Variants in UPRT observed in about 807,000 individuals in gnomAD.
The protein encoded by UPRT is RP11-311P8.3.
UPRT carries 5 observed loss-of-function variants against 22.6 expected under a neutral mutation model. The ratio of observed to expected loss-of-function variants is 0.22; its 90% CI spans 0.12 to 0.47. The LOEUF (loss-of-function observed/expected upper bound fraction) is 0.47. UPRT is among the 20% of genes least tolerant of loss of function. The pLI, the probability that UPRT is intolerant of heterozygous loss-of-function variation, is 0.99. For synonymous variants in UPRT, 77 were observed against 87.7 expected, an observed-to-expected ratio of 0.88 and a Z score of 0.68; for missense variants, 181 against 239.9, an observed-to-expected ratio of 0.75 and a Z score of 1.62.
chrX:75,218,010 T>C (rs2082398365), intron 4 of UPRT, among the ~76,000 whole-genome samples: 1 of 111,477 alleles, frequency 9.0e-6, no homozygotes, highest in Non-Finnish European at 1.9e-5. Context: ...CCAAAAGCAA[T>C]GGCAACAAAA....
intron 4 of UPRT, among the ~76,000 whole-genome samples, chrX:75,243,964 C>A (rs1440173047): frequency 1.8e-5 from 2 of 111,449 alleles, no homozygotes; most frequent in African/African-American, 6.5e-5. Flanking sequence ...AATGAGAGAC[C>A]CTTTAATTTG....
chrX:75,190,407 A>C (rs755643195), intron 4 of UPRT, among the ~76,000 whole-genome samples: 1 of 111,684 alleles, frequency 9.0e-6, no homozygotes, highest in Admixed American at 9.5e-5. Flanking sequence ...GGCTGCCCTT[A>C]ACATTTTTTC....
chrX:75,268,807 G>A (rs992900961), intron 4 of UPRT, among the ~76,000 whole-genome samples: 2 of 111,837 alleles, frequency 1.8e-5, no homozygotes, highest in Non-Finnish European at 3.8e-5. Flanking sequence ...ATATCATACT[G>A]AATGGGCAAA....
At chrX:75,293,627 A>T (rs1205639136) in intron 2 of UPRT, 113 bp downstream of exon 2, 6 of 747,399 alleles carry the variant, frequency 8.0e-6, no homozygotes, top group Non-Finnish European at 1.1e-5. Flanking sequence ...GATTGTACTA[A>T]GTAACCATCA....
At chrX:75,280,106 T>A (rs1373684941) in intron 1 of UPRT, among the ~76,000 whole-genome samples, 1 of 110,372 alleles carries the variant, frequency 9.1e-6, no homozygotes, top group Non-Finnish European at 1.9e-5. Flanking sequence ...CTTAGCCCAC[T>A]TTTTGATGGG....
intron 4 of UPRT, among the ~76,000 whole-genome samples, chrX:75,244,927 G>A (rs1361588772): frequency 9.0e-6 from 1 of 111,107 alleles, no homozygotes; most frequent in African/African-American, 3.3e-5. Flanking sequence ...TGACAAATGG[G>A]ATCTAATTAA....
intron 4 of UPRT, among the ~76,000 whole-genome samples, chrX:75,227,937 AT>A (rs954432021): frequency 8.0e-5 from 9 of 111,937 alleles, no homozygotes; most frequent in African/African-American, 2.9e-4. Context: ...TTTTCTTTTT[AT>A]TTTTTTAAAT....
chrX:75,265,003 C>T (rs758836977), intron 4 of UPRT, among the ~76,000 whole-genome samples: 43 of 111,611 alleles, frequency 3.9e-4, no homozygotes, highest in Admixed American at 2.9e-4. Flanking sequence ...TGTTGAATAT[C>T]GGCCCCCACT....
At chrX:75,159,130 C>T (rs1317159381) in intron 1 of UPRT, among the ~76,000 whole-genome samples, 1 of 111,959 alleles carries the variant, frequency 8.9e-6, no homozygotes, top group Non-Finnish European at 1.9e-5. Context: ...TTCTGCTCTT[C>T]TTACCTTCTG....
At chrX:75,227,127 T>C (rs2082425816) in intron 4 of UPRT, among the ~76,000 whole-genome samples, 1 of 111,444 alleles carries the variant, frequency 9.0e-6, no homozygotes, top group Admixed American at 9.6e-5. Context: ...GTATTTGATA[T>C]GTAAATCACT....
chrX:75,254,890 C>T (rs1014997145), intron 4 of UPRT, among the ~76,000 whole-genome samples: 2 of 108,734 alleles, frequency 1.8e-5, no homozygotes, highest in African/African-American at 6.7e-5. Flanking sequence ...ATTCTCCTGC[C>T]TCAGCCTCCC....
At chrX:75,263,264 C>G (rs1008711025) in intron 4 of UPRT, among the ~76,000 whole-genome samples, 1 of 111,655 alleles carries the variant, frequency 9.0e-6, no homozygotes, top group Non-Finnish European at 1.9e-5. Flanking sequence ...CCCTCTTGTT[C>G]TATTGATTGG....
At chrX:75,252,962 T>A (rs2082536603) in intron 4 of UPRT, among the ~76,000 whole-genome samples, 1 of 110,999 alleles carries the variant, frequency 9.0e-6, no homozygotes, top group South Asian at 3.8e-4. Context: ...AAACACCACA[T>A]GTTGTCACTC....
chrX:75,215,356 G>A (rs376901978), intron 4 of UPRT, among the ~76,000 whole-genome samples: 1 of 111,178 alleles, frequency 9.0e-6, no homozygotes, highest in African/African-American at 3.3e-5. Context: ...CAGAAGAAAA[G>A]AAATAATACA....
At chrX:75,251,055 T>C (rs369556578) in intron 4 of UPRT, among the ~76,000 whole-genome samples, 2 of 111,485 alleles carry the variant, frequency 1.8e-5, no homozygotes, top group Non-Finnish European at 3.8e-5. Context: ...ATTGATGGGA[T>C]GTATCTCAAA....
intron 4 of UPRT, among the ~76,000 whole-genome samples, chrX:75,259,240 C>G (rs1333719321): frequency 9.0e-6 from 1 of 110,587 alleles, no homozygotes; most frequent in Non-Finnish European, 1.9e-5. Flanking sequence ...AACTCCTCAC[C>G]AGCAAGGGAA....
intron 4 of UPRT, among the ~76,000 whole-genome samples, chrX:75,187,946 A>T (rs1201427864): frequency 8.9e-6 from 1 of 111,736 alleles, no homozygotes; most frequent in African/African-American, 3.3e-5. Flanking sequence ...CAAAGTTTTC[A>T]ACTTCTTTGC....
intron 4 of UPRT, among the ~76,000 whole-genome samples, chrX:75,227,466 G>A (rs1840443948): frequency 9.0e-6 from 1 of 111,353 alleles, no homozygotes; most frequent in South Asian, 3.8e-4. Context: ...AGATCTACAT[G>A]GAACCCTGGA....
intron 4 of UPRT, among the ~76,000 whole-genome samples, chrX:75,191,745 C>T (rs376569944): frequency 6.2e-5 from 7 of 112,186 alleles, no homozygotes; most frequent in East Asian, 5.7e-4. Flanking sequence ...GCTCCATGGA[C>T]GTGGGACCCT....
Sources: allele counts gnomAD v4.1 joint callset (sites outside exome capture counted in the v4.1 genomes callset), GRCh38; gene constraint gnomAD v4.1.1; transcripts MANE v1.5; gene names NCBI Gene and HGNC (gene_info 2026-07-23, HGNC 2026-07-21).